SLC6A4: variants seen among roughly 807,000 people sequenced by gnomAD.
SLC6A4 encodes the protein sodium-dependent serotonin transporter.
SLC6A4 carries 22 observed loss-of-function variants against 73.4 expected under a neutral mutation model. That is an observed-to-expected ratio of 0.30 (90% CI 0.21 to 0.43). SLC6A4 has a LOEUF of 0.43. Ranked by LOEUF, SLC6A4 falls within the 20% of genes least tolerant of loss-of-function variation. The probability of loss-of-function intolerance (pLI) is 1.00; values close to 1 mark genes in which losing one functional copy is unlikely to be tolerated. For missense variants in SLC6A4, 593 were observed against 808.5 expected, an observed-to-expected ratio of 0.73 and a Z score of 3.23; for synonymous variants, 270 against 315.5, an observed-to-expected ratio of 0.86 and a Z score of 1.53.
At chr17:30,208,224 G>T (rs570763390) in intron 12 of SLC6A4, among the ~76,000 whole-genome samples, 1 of 152,286 alleles carries the variant, frequency 6.6e-6, no homozygotes, top group African/African-American at 2.4e-5. Flanking sequence ...AGAGCTGAGT[G>T]TGTATCTGAT....
chr17:30,208,873 T>TG (rs1293140573), intron 12 of SLC6A4, among the ~76,000 whole-genome samples: 5 of 151,184 alleles, frequency 3.3e-5, no homozygotes, highest in African/African-American at 1.2e-4. Context: ...TTTTTTTTTT[T>TG]GTATTTTTAG....
chr17:30,216,251 A>C, intron 6 of SLC6A4, 35 bp from the exon 7 acceptor site: 2 of 485,566 alleles, frequency 4.1e-6, no homozygotes, highest in Non-Finnish European at 6.0e-6. Flanking sequence ...ATGCTGTTCC[A>C]GGGAGGGGAG....
At position 30,218,283 on chromosome 17, in the gene SLC6A4, GTGT is replaced by G; in HGVS notation, c.530_532del (p.Asn177del). 1 of 1,614,222 alleles carries G rather than the reference GTGT, an allele frequency of 6.2e-7. No individual in the cohort carries two copies. The highest frequency in any genetic ancestry group is 8.5e-7 in the Non-Finnish European group (1 of 1,180,042). On this transcript the variant is annotated inframe_deletion, in exon 5 of 15. Coordinates refer to ENST00000650711, the MANE Select transcript of SLC6A4 (RefSeq NM_001045.6). ...GTAGTATAGCGCCCAGGCCATGATG[GTGT>G]TGTAGTAGGAAGCAATGTAAAAGGC...
In SLC6A4 at chr17:30,218,930, C is replaced by G. The variant is rs1906665409; in HGVS notation, c.345G>C (p.Gly115=). ...TGATGGTGTAGGGGAGGAGGAATGC[C>G]CCTGAGGCAGATGAAAGACAATTTC... ...FPYICYQNGG[G]AFLLPYTIMA... is the part of the protein sequence containing the mutation. Residue 115 remains glycine, a splice_region_variant and synonymous_variant, in exon 4 of 15, where the codon GGG becomes GGC. Coordinates refer to ENST00000650711, the MANE Select transcript of SLC6A4 (RefSeq NM_001045.6). The G allele has an allele frequency of 6.2e-7, 1 of 1,613,874 alleles. No homozygotes were observed. Among genetic ancestry groups the G allele is most frequent in the Non-Finnish European group, 8.5e-7 (1 of 1,180,028 alleles).
chr17:30,221,527 C>T, intron 3 of SLC6A4, 89 bp downstream of exon 3: 1 of 1,203,704 alleles, frequency 8.3e-7, no homozygotes, highest in Non-Finnish European at 1.2e-6. Flanking sequence ...CGCAGCCCAC[C>T]CGGGTCACAG....
intron 3 of SLC6A4, among the ~76,000 whole-genome samples, chr17:30,220,643 A>C (rs969507808): frequency 2.0e-5 from 3 of 152,240 alleles, no homozygotes; most frequent in African/African-American, 7.2e-5. Flanking sequence ...CTCTGACCTC[A>C]CACAGGTCCA....
intron 1 of SLC6A4, among the ~76,000 whole-genome samples, chr17:30,229,615 T>C (rs375599644): frequency 6.6e-6 from 1 of 152,118 alleles, no homozygotes; most frequent in South Asian, 2.1e-4. Context: ...GATCTCGCTA[T>C]GTTGCCCAGG....
chr17:30,226,474 C>T (rs1388309791), intron 1 of SLC6A4, among the ~76,000 whole-genome samples: 2 of 152,148 alleles, frequency 1.3e-5, no homozygotes, highest in Admixed American at 6.5e-5. Context: ...CCAAGGCGGG[C>T]GGATCACCTG....
chr17:30,209,747 A>G (rs1486660147), intron 11 of SLC6A4, among the ~76,000 whole-genome samples: 2 of 151,920 alleles, frequency 1.3e-5, no homozygotes, highest in Admixed American at 1.3e-4. Flanking sequence ...TTCCCATCCT[A>G]TGTAGTTCAT....
chr17:30,222,449 G>A (rs866939020), intron 2 of SLC6A4, among the ~76,000 whole-genome samples: 12 of 152,292 alleles, frequency 7.9e-5, no homozygotes, highest in African/African-American at 1.4e-4. Context: ...GCTCCAAAGC[G>A]TCACAGAGCA....
chr17:30,216,855 GTTTGTTT>G (rs1906594037), intron 6 of SLC6A4, among the ~76,000 whole-genome samples: 1 of 70,196 alleles, frequency 1.4e-5, no homozygotes, highest in African/African-American at 2.9e-5. Context: ...TTGTTTGTTT[GTTTGTTT>G]GTTTGTTTGT....
intron 5 of SLC6A4, among the ~76,000 whole-genome samples, chr17:30,217,800 G>A (rs536180756): frequency 6.6e-6 from 1 of 152,186 alleles, no homozygotes; most frequent in African/African-American, 2.4e-5. Flanking sequence ...AGGATGCTTC[G>A]CCTCCATGAC....
Position 30,196,886 on chromosome 17 carries a change from G to C in SLC6A4, c.*1570C>G, listed in dbSNP as rs184667392. Reference sequence around the variant, plus strand: ...TGGGGAGAATGCAGGAAGTGGGCCAGGGTAGACAATGCTGGGGAAAGGAGG... The same window carrying C: ...TGGGGAGAATGCAGGAAGTGGGCCACGGTAGACAATGCTGGGGAAAGGAGG... On this transcript the variant is annotated 3_prime_UTR_variant, in exon 15 of 15. Coordinates refer to ENST00000650711, the MANE Select transcript of SLC6A4 (RefSeq NM_001045.6). 6.6e-6 allele frequency: 1 copy of C among 152,354 alleles called. No homozygotes were observed. Among genetic ancestry groups the C allele is most frequent in the Admixed American group, 6.5e-5 (1 of 15,268 alleles). The allele number at this position is 152,354 out of a possible 1,614,324, so 9.4% of individuals were successfully genotyped here. A position where few individuals can be genotyped will look rare whatever the true frequency, so the allele number is the denominator to read the frequency against.
At position 30,235,317 on chromosome 17, in the gene SLC6A4, G is replaced by A. The variant is rs531862777; in HGVS notation, c.-221+296C>T. Among the ~76,000 whole-genome samples the A allele has an allele frequency of 9.9e-5, 15 of 152,140 alleles. No individual in the cohort carries two copies. Among genetic ancestry groups the A allele is most frequent in the Non-Finnish European group, 2.2e-4 (15 of 68,020 alleles). On this transcript the variant is annotated intron_variant, in intron 1 of 14. Transcript: ENST00000650711. The surrounding 1 kb of genome is among the most constrained non-coding windows in gnomAD (Gnocchi z 4.5). ...AGACCCTCTTTAAGGGGTCTTTCACGGGTCCTCAAGAGGTTGCAAAGCCCC... is the reference window on the plus strand; with the variant it reads ...AGACCCTCTTTAAGGGGTCTTTCACAGGTCCTCAAGAGGTTGCAAAGCCCC...
At position 30,194,372 on chromosome 17, in the gene SLC6A4, A is replaced by G. The variant is rs952234287; in HGVS notation, c.*4084T>C. The G allele has an allele frequency of 6.6e-6, 1 of 152,300 alleles. No homozygotes were observed. The highest frequency in any genetic ancestry group is 2.4e-5 in the African/African-American group (1 of 41,582). The allele number at this position is 152,300 out of a possible 1,614,324, so 9.4% of individuals were successfully genotyped here. On this transcript the variant is annotated 3_prime_UTR_variant, in exon 15 of 15. Transcript: ENST00000650711. ...TCACAATCTAACTTGAAATATTTAT[A>G]AACACTGCATAAATGAATACAAGGG...
In SLC6A4 at chr17:30,198,378, G is replaced by C. The variant is rs1905928910; in HGVS notation, c.*78C>G. The C allele has an allele frequency of 2.5e-6, 2 of 789,806 alleles. No individual in the cohort carries two copies. The highest frequency in any genetic ancestry group is 2.2e-5 in the Admixed American group (1 of 44,982). 48.9% of individuals were successfully genotyped at this position (789,806 alleles called of 1,614,324 possible). On this transcript the variant is annotated 3_prime_UTR_variant, in exon 15 of 15. Transcript: ENST00000650711. ...GCTTAGCTGGAAACTCATTCACTTG[G>C]AGGGGAGAAGGCAGGCGTGCCTCAT...
rs1360236599 is a variant in SLC6A4, at chr17:30,195,530, G to C, written c.*2926C>G. On this transcript the variant is annotated 3_prime_UTR_variant, in exon 15 of 15. Transcript: ENST00000650711. ...CCCACCTTGGCCTCCCAAAGTGCTGGAATTACAGGTGTGAGCCATTGTGCC... is the reference window on the plus strand; with the variant it reads ...CCCACCTTGGCCTCCCAAAGTGCTGCAATTACAGGTGTGAGCCATTGTGCC... The C allele has an allele frequency of 1.3e-5, 2 of 152,186 alleles. No individual in the cohort carries two copies. Among genetic ancestry groups the C allele is most frequent in the African/African-American group, 4.8e-5 (2 of 41,422 alleles). 9.4% of individuals were successfully genotyped at this position (152,186 alleles called of 1,614,324 possible).
In SLC6A4 at chr17:30,197,824, G is replaced by A. The variant is rs554327398; in HGVS notation, c.*632C>T. On this transcript the variant is annotated 3_prime_UTR_variant, in exon 15 of 15. Transcript: ENST00000650711. Reference sequence around the variant, plus strand: ...TTGGGGAATTCATATATTTGTAATGGGCCCAAAATATTGGACTAGAGATAA... The same window carrying A: ...TTGGGGAATTCATATATTTGTAATGAGCCCAAAATATTGGACTAGAGATAA... 6.5e-6 allele frequency: 1 copy of A among 152,806 alleles called. No homozygotes were observed. The highest frequency in any genetic ancestry group is 2.1e-4 in the South Asian group (1 of 4,824). 9.5% of individuals were successfully genotyped at this position (152,806 alleles called of 1,614,324 possible). A position where few individuals can be genotyped will look rare whatever the true frequency, so the allele number is the denominator to read the frequency against.
At chr17:30,217,707 A>C (rs1265444971) in intron 5 of SLC6A4, among the ~76,000 whole-genome samples, 1 of 152,182 alleles carries the variant, frequency 6.6e-6, no homozygotes, top group Non-Finnish European at 1.5e-5. Context: ...TACCTTCCTC[A>C]AGCATCTTCT....
Sources: gnomAD v4.1 joint callset for allele counts (sites outside exome capture counted in the v4.1 genomes callset) on GRCh38, gnomAD v4.1.1 for gene constraint, Gnocchi (gnomAD v3.1) non-coding constraint, MANE v1.5 for transcripts, NCBI Gene and HGNC (gene_info 2026-07-23, HGNC 2026-07-21) for gene names.